UGGT1: variants seen among roughly 807,000 people sequenced by gnomAD.
UGGT1 encodes the protein UDP-glucose glycoprotein glucosyltransferase 1.
A neutral mutation model predicts 203.9 loss-of-function variants in UGGT1; 107 were observed. The ratio of observed to expected loss-of-function variants is 0.52; its 90% CI spans 0.45 to 0.62. The LOEUF is 0.62. UGGT1 is among the 20% of genes least tolerant of loss of function. The probability of loss-of-function intolerance (pLI) is 0.00; values close to 1 mark genes in which losing one functional copy is unlikely to be tolerated. For synonymous variants in UGGT1, 628 were observed against 653.5 expected, an observed-to-expected ratio of 0.96 and a Z score of 0.59; for missense variants, 1,673 against 1,867.2, an observed-to-expected ratio of 0.90 and a Z score of 1.92.
chr2:128,140,480 G>A (rs1344201672), intron 16 of UGGT1: 6 of 152,374 alleles, frequency 3.9e-5, no homozygotes, highest in Admixed American at 3.3e-4. Flanking sequence ...TGGCAGTGGA[G>A]CAGCTGCTCC....
At chr2:128,139,735 C>A in intron 16 of UGGT1, 1 of 154,092 alleles carries the variant, frequency 6.5e-6, no homozygotes, top group South Asian at 1.9e-4. Flanking sequence ...TCACATCATT[C>A]AGGGACTTGC....
Position 128,193,572 on chromosome 2 carries a change from C to G in UGGT1, c.*3830C>G, listed in dbSNP as rs1424082631. Reference sequence around the variant, plus strand: ...CTATGTCCGGTCAAGCCCTCGTGTTCTGAACCTTGTCAAGGCTCTGCCTGA... The same window carrying G: ...CTATGTCCGGTCAAGCCCTCGTGTTGTGAACCTTGTCAAGGCTCTGCCTGA... On this transcript the variant is annotated 3_prime_UTR_variant, in exon 41 of 41. Transcript: ENST00000259253. 1 of 152,280 alleles carries G rather than the reference C, an allele frequency of 6.6e-6. No homozygotes were observed. The highest frequency in any genetic ancestry group is 6.6e-5 in the Admixed American group (1 of 15,264). The allele number at this position is 152,280 out of a possible 1,614,324, so 9.4% of individuals were successfully genotyped here. A position where few individuals can be genotyped will look rare whatever the true frequency, so the allele number is the denominator to read the frequency against.
At chr2:128,165,531 C>T (rs1195212466) in intron 26 of UGGT1, among the ~76,000 whole-genome samples, 2 of 152,130 alleles carry the variant, frequency 1.3e-5, no homozygotes, top group African/African-American at 2.4e-5. Context: ...AACCCCATCT[C>T]TACAAAAATA....
chr2:128,157,362 T>C lies in UGGT1; in HGVS notation c.2355+16T>C. ...CAAACATCAGGCAAGTATCTATGAC[T>C]TCATTTTATATTTTTGTTTGTGGCT... On this transcript the variant is annotated intron_variant, in intron 22 of 40. Coordinates refer to ENST00000259253, the MANE Select transcript of UGGT1 (RefSeq NM_020120.4). The C allele has an allele frequency of 6.2e-7, 1 of 1,606,240 alleles. No homozygotes were observed. The highest frequency in any genetic ancestry group is 8.5e-7 in the Non-Finnish European group (1 of 1,173,466).
chr2:128,092,391 C>T (rs1183669118), intron 1 of UGGT1, among the ~76,000 whole-genome samples: 1 of 151,072 alleles, frequency 6.6e-6, no homozygotes, highest in African/African-American at 2.4e-5. Context: ...ATCTTGAACT[C>T]CTGGCCACAT....
At chr2:128,147,877 C>T (rs1689764866) in intron 18 of UGGT1, among the ~76,000 whole-genome samples, 1 of 152,140 alleles carries the variant, frequency 6.6e-6, no homozygotes, top group South Asian at 2.1e-4. Flanking sequence ...CCTTGGCCTC[C>T]CACAGTGCTG....
chr2:128,113,006 C>A, intron 5 of UGGT1, 78 bp from the exon 6 acceptor site: 1 of 1,278,458 alleles, frequency 7.8e-7, no homozygotes, highest in South Asian at 2.0e-5. Context: ...ATTTTCATAA[C>A]TGTACTTTAT....
At chr2:128,158,719 T>C (rs1558804096) in intron 22 of UGGT1, among the ~76,000 whole-genome samples, 5 of 152,230 alleles carry the variant, frequency 3.3e-5, no homozygotes, top group Admixed American at 2.6e-4. Flanking sequence ...GCTTATGTTA[T>C]TGGTACAAGC....
chr2:128,152,365 G>T (rs1396150156), intron 18 of UGGT1, among the ~76,000 whole-genome samples: 1 of 152,110 alleles, frequency 6.6e-6, no homozygotes, highest in African/African-American at 2.4e-5. Context: ...TGGCATGTTG[G>T]CCAGGCTGGT....
At chr2:128,096,861 G>A (rs1302946798) in intron 1 of UGGT1, among the ~76,000 whole-genome samples, 2 of 152,146 alleles carry the variant, frequency 1.3e-5, no homozygotes, top group African/African-American at 2.4e-5. Flanking sequence ...CCTGTATGGT[G>A]TAGATTGCTT....
intron 2 of UGGT1, 125 bp downstream of exon 2, chr2:128,097,689 T>A (rs569811827): frequency 2.4e-6 from 3 of 1,243,620 alleles, no homozygotes; most frequent in Admixed American, 4.7e-5. Flanking sequence ...CCTCTTTCAG[T>A]GTATACTGTA....
chr2:128,153,006 C>G, intron 19 of UGGT1, 102 bp downstream of exon 19: 1 of 1,526,628 alleles, frequency 6.6e-7, no homozygotes, highest in South Asian at 1.3e-5. Flanking sequence ...CTGCAGTGTT[C>G]AGAAGATAGC....
chr2:128,131,561 A>G (rs1688877934), intron 13 of UGGT1, among the ~76,000 whole-genome samples: 1 of 152,040 alleles, frequency 6.6e-6, no homozygotes, highest in South Asian at 2.1e-4. Flanking sequence ...TTGTGTATAC[A>G]TGTGAATTTA....
chr2:128,116,302 T>A lies in UGGT1; in HGVS notation c.831T>A (p.Asp277Glu). The A allele has an allele frequency of 6.2e-7, 1 of 1,612,082 alleles. No homozygotes were observed. Among genetic ancestry groups the A allele is most frequent in the African/African-American group, 1.3e-5 (1 of 75,028 alleles). ...EVNTTVIGEN[D>E]PIDEVQGFLF... ...ACACCACAGTGATTGGTGAAAATGA[T>A]CCTATTGATGAGGTTCAGGGGTTCC... is the stretch of plus-strand genomic sequence containing the variant. Residue 277 changes from aspartate to glutamate, a missense_variant, in exon 8 of 41, where the codon GAT (aspartate) becomes GAA (glutamate). This residue lies in a region of UGGT1 where 1,073 missense variants were observed against 1,078.7 expected (regional missense o/e 0.99). Transcript: ENST00000259253.
At chr2:128,097,271 G>A (rs1418586067) in intron 1 of UGGT1, among the ~76,000 whole-genome samples, 158 bp from the exon 2 acceptor site, 1 of 152,170 alleles carries the variant, frequency 6.6e-6, no homozygotes, top group East Asian at 1.9e-4. Context: ...AGCTACTGGG[G>A]AGGCTGAGGC....
chr2:128,161,386 T>A, intron 25 of UGGT1, 118 bp downstream of exon 25: 1 of 1,190,654 alleles, frequency 8.4e-7, no homozygotes, highest in Non-Finnish European at 1.2e-6. Context: ...ATTTCCAGTT[T>A]AAAATCTAAT....
chr2:128,143,532 A>G (rs1689538583), intron 17 of UGGT1, among the ~76,000 whole-genome samples: 1 of 152,212 alleles, frequency 6.6e-6, no homozygotes, highest in Non-Finnish European at 1.5e-5. Context: ...TATCAAAAGT[A>G]TTTACTTGAA....
At position 128,180,953 on chromosome 2, in the gene UGGT1, C is replaced by T; in HGVS notation, c.3964C>T (p.Pro1322Ser). ...GTATGAGCTTGTTCAGTACAAATGG[C>T]CCCGGTGGCTTCATCAACAAACTGA... ...FQYELVQYKW[P>S]RWLHQQTEKQ... Residue 1322 changes from proline (P) to serine (S), a missense_variant, in exon 36 of 41, where the codon CCC (proline) becomes TCC (serine). By Grantham distance (74) the Pro-to-Ser change is moderately conservative. Transcript: ENST00000259253. 1 of 1,614,136 alleles carries T rather than the reference C, an allele frequency of 6.2e-7. No individual in the cohort carries two copies. Among genetic ancestry groups the T allele is most frequent in the Non-Finnish European group, 8.5e-7 (1 of 1,180,010 alleles).
At position 128,159,540 on chromosome 2, in the gene UGGT1, C is replaced by T. The variant is rs763846594; in HGVS notation, c.2382C>T (p.Ser794=). The stretch of plus-strand genomic sequence containing the variant: ...AATCCAGTAACAATGTTAGAATAAG[C>T]ATGATCAATAATCCTGCCAAAGAGA... ...HQKSSNNVRI[S]MINNPAKEIS... Residue 794 remains serine (S), a synonymous_variant, in exon 23 of 41, where the codon AGC becomes AGT. Coordinates refer to ENST00000259253, the MANE Select transcript of UGGT1 (RefSeq NM_020120.4). The T allele has an allele frequency of 1.2e-5, 20 of 1,614,042 alleles. No homozygotes were observed. The highest frequency in any genetic ancestry group is 2.7e-5 in the African/African-American group (2 of 74,918).
Sources: allele counts gnomAD v4.1 joint callset (sites outside exome capture counted in the v4.1 genomes callset), GRCh38; gene constraint gnomAD v4.1.1; regional missense constraint gnomAD v4.1.1; transcripts MANE v1.5; gene names NCBI Gene and HGNC (gene_info 2026-07-23, HGNC 2026-07-21).